Variants in TRPC4AP observed in about 807,000 individuals in gnomAD.
TRPC4AP encodes transient receptor potential cation channel subfamily C member 4 associated protein.
A neutral mutation model predicts 99.0 loss-of-function variants in TRPC4AP; 45 were observed. The observed-to-expected ratio is 0.45, with a 90% confidence interval of 0.36 to 0.58. The LOEUF is 0.58. Among genes scored for constraint, TRPC4AP ranks in the 20% least tolerant of loss-of-function variants. TRPC4AP has a pLI of 0.00. For synonymous variants in TRPC4AP, 408 were observed against 385.8 expected (o/e 1.06, Z -0.67); for missense variants, 879 against 985.3 (o/e 0.89, Z 1.44).
chr20:35,006,030 C>T (rs1416785871), intron 15 of TRPC4AP, among the ~76,000 whole-genome samples: 1 of 152,220 alleles, frequency 6.6e-6, no homozygotes, highest in Non-Finnish European at 1.5e-5. Context: ...AGTGGTTTTA[C>T]GCTCAAGGGT....
chr20:35,086,728 ATTTT>A (rs2084893977), intron 1 of TRPC4AP, among the ~76,000 whole-genome samples: 1 of 151,676 alleles, frequency 6.6e-6, no homozygotes, highest in African/African-American at 2.4e-5. Context: ...GCCTAATGAA[ATTTT>A]TTTTAAAAGT....
chr20:35,017,046 G>T (rs2082771728), intron 9 of TRPC4AP, among the ~76,000 whole-genome samples: 1 of 152,058 alleles, frequency 6.6e-6, no homozygotes, highest in Admixed American at 6.5e-5. Context: ...TTCCACTTTA[G>T]GAATTTACAC....
chr20:35,089,769 C>A (rs1401581201), intron 1 of TRPC4AP, among the ~76,000 whole-genome samples: 1 of 151,882 alleles, frequency 6.6e-6, no homozygotes, highest in Non-Finnish European at 1.5e-5. Flanking sequence ...TTGCTTGAAT[C>A]CGGGAGACGG....
intron 3 of TRPC4AP, among the ~76,000 whole-genome samples, chr20:35,068,963 ACAC>A (rs1569140131): frequency 1.5e-4 from 7 of 47,116 alleles, no homozygotes; most frequent in Admixed American, 1.2e-3. Context: ...ACACACACAC[ACAC>A]ACACACACAC....
In TRPC4AP at chr20:35,002,436, C is replaced by A. The variant is rs1237671553; in HGVS notation, c.*710G>T. ...TAAAATAAAGTTATTTAATAGTCTC[C>A]ATTTAATTGGTTTATTTGCTGTTAA... On this transcript the variant is annotated 3_prime_UTR_variant, in exon 19 of 19. Coordinates refer to ENST00000252015, the MANE Select transcript of TRPC4AP (RefSeq NM_015638.3). 5.0e-6 allele frequency: 2 copies of A among 402,426 alleles called. No homozygotes were observed. 24.9% of individuals were successfully genotyped at this position (402,426 alleles called of 1,614,324 possible).
At chr20:35,028,325 TTAAGCG>T (rs1237623141) in intron 8 of TRPC4AP, among the ~76,000 whole-genome samples, 4 of 151,876 alleles carry the variant, frequency 2.6e-5, no homozygotes, top group Admixed American at 2.6e-4. Flanking sequence ...CCTCCTGACC[TTAAGCG>T]ACCCGCCTCC....
Position 35,032,211 on chromosome 20 carries a change from G to A in TRPC4AP, c.1051+2912C>T, listed in dbSNP as rs1047825436. On this transcript the variant is annotated intron_variant, in intron 8 of 18. Coordinates refer to ENST00000252015, the MANE Select transcript of TRPC4AP (RefSeq NM_015638.3). ...ATCTAACCTTTATATTTTTAATAGA[G>A]ATGGGGTTTTGCCATGTTGGCCTGG... Among the ~76,000 whole-genome samples the A allele has an allele frequency of 2.6e-5, 4 of 151,972 alleles. No individual in the cohort carries two copies. The East Asian group carries it at 7.8e-4, about 29-fold the overall frequency.
At chr20:35,079,329 A>G (rs1348787615) in intron 1 of TRPC4AP, among the ~76,000 whole-genome samples, 1 of 152,226 alleles carries the variant, frequency 6.6e-6, no homozygotes. Context: ...TCTTACAGTT[A>G]AAATATTTTA....
At chr20:35,092,189 G>C (rs918720112) in intron 1 of TRPC4AP, among the ~76,000 whole-genome samples, 2 of 151,790 alleles carry the variant, frequency 1.3e-5, no homozygotes, top group Non-Finnish European at 2.9e-5. Flanking sequence ...AAAGGCCTGA[G>C]AAAATGACAT....
At chr20:35,020,013 C>G (rs2082849979) in intron 9 of TRPC4AP, among the ~76,000 whole-genome samples, 3 of 152,192 alleles carry the variant, frequency 2.0e-5, no homozygotes, top group Admixed American at 1.3e-4. Context: ...ACCTCAATAC[C>G]TGGCAAATCC....
At chr20:35,090,560 G>A (rs999054921) in intron 1 of TRPC4AP, among the ~76,000 whole-genome samples, 4 of 151,924 alleles carry the variant, frequency 2.6e-5, no homozygotes, top group African/African-American at 7.3e-5. Context: ...TTTTAGTAGA[G>A]ACGGGGCTTC....
At chr20:35,074,385 CG>C (rs1334900978) in intron 2 of TRPC4AP, among the ~76,000 whole-genome samples, 1 of 152,098 alleles carries the variant, frequency 6.6e-6, no homozygotes, top group Non-Finnish European at 1.5e-5. Context: ...TAGATCTTTC[CG>C]GCTTTCTCTT....
intron 6 of TRPC4AP, 150 bp downstream of exon 6, chr20:35,049,716 G>A (rs2083650616): frequency 2.5e-5 from 20 of 791,828 alleles, no homozygotes; most frequent in Non-Finnish European, 3.7e-5. Context: ...CTAGTATAAG[G>A]GGTAATCAAG....
chr20:35,068,773 G>A (rs1224741367), intron 3 of TRPC4AP, among the ~76,000 whole-genome samples: 1 of 151,696 alleles, frequency 6.6e-6, no homozygotes, highest in Non-Finnish European at 1.5e-5. Context: ...ACCTGCCTTG[G>A]CCTCCCAAAG....
intron 11 of TRPC4AP, among the ~76,000 whole-genome samples, chr20:35,010,809 C>G (rs6579208): frequency 6.6e-6 from 1 of 152,054 alleles, no homozygotes; most frequent in East Asian, 1.9e-4. Context: ...AGTCATCACA[C>G]GGTGCCAAAA....
intron 7 of TRPC4AP, 119 bp from the exon 8 acceptor site, chr20:35,035,427 C>T (rs2083296234): frequency 3.4e-5 from 37 of 1,093,742 alleles, no homozygotes; most frequent in Non-Finnish European, 4.7e-5. Flanking sequence ...GTAGCTAAAG[C>T]TACTCTTTTA....
At chr20:35,032,467 CTTTTTT>C (rs35808832) in intron 8 of TRPC4AP, among the ~76,000 whole-genome samples, 1 of 95,230 alleles carries the variant, frequency 1.1e-5, no homozygotes, top group Admixed American at 1.4e-4. Flanking sequence ...GTTCTTTGAT[CTTTTTT>C]TTTTTTTTTT....
chr20:35,012,787 T>C (rs960044444), intron 11 of TRPC4AP, among the ~76,000 whole-genome samples: 6 of 152,056 alleles, frequency 3.9e-5, no homozygotes, highest in Admixed American at 3.9e-4. Context: ...CTGGGGTGGC[T>C]ATGAGGGTTA....
intron 3 of TRPC4AP, among the ~76,000 whole-genome samples, chr20:35,063,630 A>G (rs1185510641): frequency 6.6e-6 from 1 of 152,080 alleles, no homozygotes; most frequent in Non-Finnish European, 1.5e-5. Flanking sequence ...AAGGTGAGGC[A>G]GGAAGATCAT....
Sources: gnomAD v4.1 joint callset for allele counts (sites outside exome capture counted in the v4.1 genomes callset) on GRCh38, gnomAD v4.1.1 for gene constraint, MANE v1.5 for transcripts, NCBI Gene and HGNC (gene_info 2026-07-23, HGNC 2026-07-21) for gene names.